Variants in COL4A4 observed in about 807,000 individuals in gnomAD.
COL4A4 encodes the protein collagen type IV alpha 4 chain, also known as collagen alpha-4(IV) chain.
COL4A4 carries 105 observed loss-of-function variants against 192.9 expected under a neutral mutation model. The ratio of observed to expected loss-of-function variants is 0.54; its 90% CI spans 0.46 to 0.64. COL4A4 has a LOEUF of 0.64. Among genes scored for constraint, COL4A4 ranks in the 30% least tolerant of loss-of-function variants. The probability of loss-of-function intolerance (pLI) is 0.00; values close to 1 mark genes in which losing one functional copy is unlikely to be tolerated. For missense variants in COL4A4, 1,967 were observed against 2,169.3 expected, an observed-to-expected ratio of 0.91 and a Z score of 1.85; for synonymous variants, 762 against 769.9, an observed-to-expected ratio of 0.99 and a Z score of 0.17.
At position 227,062,711 on chromosome 2, in the gene COL4A4, C is replaced by A. The variant is rs902446546; in HGVS notation, c.1988-113G>T. ...TTTTCTGTATAGTATATGCAGAAGT[C>A]AAAGAAAAAGAAGACTCCCAAGTAT... On this transcript the variant is annotated intron_variant, in intron 25 of 47. Transcript: ENST00000396625. The A allele has an allele frequency of 3.4e-5, 26 of 771,098 alleles. No homozygotes were observed. In the East Asian group the frequency reaches 6.1e-4, roughly 18 times the overall value. The allele number at this position is 771,098 out of a possible 1,614,324, so 47.8% of individuals were successfully genotyped here.
At position 227,028,015 on chromosome 2, in the gene COL4A4, A is replaced by C; in HGVS notation, c.3974-6T>G. ...TCCCGGGAATCCCACTGGTCCTTAA[A>C]AAAAAACAAAACATAAAAATGAGGG... On this transcript the variant is annotated splice_polypyrimidine_tract_variant and splice_region_variant and intron_variant, in intron 41 of 47. Transcript: ENST00000396625. 1 of 1,577,082 alleles carries C rather than the reference A, an allele frequency of 6.3e-7. No individual in the cohort carries two copies. The highest frequency in any genetic ancestry group is 8.7e-7 in the Non-Finnish European group (1 of 1,151,240).
chr2:227,150,375 C>A (rs2063844850), intron 1 of COL4A4, among the ~76,000 whole-genome samples: 1 of 152,130 alleles, frequency 6.6e-6, no homozygotes, highest in Middle Eastern at 3.2e-3. Context: ...TATGCAAAGT[C>A]ACAAGGCTAG....
chr2:227,100,759 C>T (rs1156507185), intron 17 of COL4A4, among the ~76,000 whole-genome samples: 1 of 151,562 alleles, frequency 6.6e-6, no homozygotes, highest in Admixed American at 6.6e-5. Flanking sequence ...TGGAAGGAAC[C>T]CAGTGGGAGG....
At chr2:226,988,449 GA>G in the COL4A4 span, 1 of 1,549,560 alleles carries the variant, frequency 6.5e-7, no homozygotes, top group African/African-American at 1.4e-5. Context: ...TGGACCTAAG[GA>G]ATCCTTTGAG....
At chr2:226,978,328 A>G in the COL4A4 span, among the ~76,000 whole-genome samples, 160 of 152,174 alleles carry the variant, frequency 1.1e-3, no homozygotes, top group African/African-American at 3.7e-3. Context: ...AAAAATCTCT[A>G]ATTTTTTGCC....
chr2:227,153,396 A>T (rs979486945), intron 1 of COL4A4, among the ~76,000 whole-genome samples: 2 of 152,224 alleles, frequency 1.3e-5, no homozygotes, highest in Non-Finnish European at 2.9e-5. Context: ...GCTAACTGTT[A>T]TTCTCAAGAA....
Position 227,118,892 on chromosome 2 carries a change from C to T in COL4A4, c.373-131G>A, listed in dbSNP as rs189170921. ...ACTGTTTAGTTTTGTGAAACTTTCT[C>T]TTTACCCCAAAAGGCTACGTAGCAT... On this transcript the variant is annotated intron_variant, in intron 6 of 47. Transcript: ENST00000396625. 7 of 717,190 alleles carry T rather than the reference C, an allele frequency of 9.8e-6. No homozygotes were observed. In the East Asian group the frequency reaches 1.8e-4, roughly 19 times the overall value. The allele number at this position is 717,190 out of a possible 1,614,324, so 44.4% of individuals were successfully genotyped here.
At position 227,120,110 on chromosome 2, in the gene COL4A4, C is replaced by T. The variant is rs116677164; in HGVS notation, c.328-171G>A. ...CAACATTTAAGAACCAATTCTTGTG[C>T]TTTTCTTTTGTACTTGGGAAAACAG... On this transcript the variant is annotated intron_variant, in intron 5 of 47. Transcript: ENST00000396625. Among the ~76,000 whole-genome samples the T allele has an allele frequency of 6.0e-3, 918 of 152,236 alleles. 7 individuals carry two copies. The highest frequency in any genetic ancestry group is 0.021 in the African/African-American group (864 of 41,552).
At chr2:227,002,709 A>T (rs1961281455), downstream of COL4A4, 1 of 152,672 alleles carries the variant, frequency 6.5e-6, no homozygotes, top group Admixed American at 6.5e-5. Flanking sequence ...GATAAAACAC[A>T]GTTGTTTTTG....
At chr2:226,980,915 TTTG>T in the COL4A4 span, among the ~76,000 whole-genome samples, 5 of 152,224 alleles carry the variant, frequency 3.3e-5, no homozygotes, top group African/African-American at 9.6e-5. Context: ...TAACTCATTT[TTTG>T]TTGTTATTGA....
chr2:227,030,393 G>T, intron 41 of COL4A4, 50 bp downstream of exon 41: 1 of 1,595,702 alleles, frequency 6.3e-7, no homozygotes, highest in Non-Finnish European at 8.6e-7. Flanking sequence ...ACCCTCAAGG[G>T]TAAGATAACC....
chr2:227,067,232 C>G (rs958224637), intron 25 of COL4A4, among the ~76,000 whole-genome samples: 4 of 151,902 alleles, frequency 2.6e-5, no homozygotes, highest in African/African-American at 9.7e-5. Flanking sequence ...CCTGAGTGAC[C>G]TACAAAGAGA....
At chr2:227,161,789 G>A (rs887657373) in intron 1 of COL4A4, among the ~76,000 whole-genome samples, 1 of 152,148 alleles carries the variant, frequency 6.6e-6, no homozygotes, top group Non-Finnish European at 1.5e-5. Flanking sequence ...GGATGCCAAG[G>A]CAAGGTTCTA....
At position 227,025,806 on chromosome 2, in the gene COL4A4, G is replaced by A. The variant is rs1166698890; in HGVS notation, c.4086C>T (p.Pro1362=). The part of the protein sequence containing the change: ...GRKGPTGLPG[P]RGEPGPPADV... ...CAATTTTATAGCAAAGCTTACCTCTGGGACCTAGAGGGATCCAAAGACAAC... is the reference window on the plus strand; with the variant it reads ...CAATTTTATAGCAAAGCTTACCTCTAGGACCTAGAGGGATCCAAAGACAAC... Residue 1362 remains proline, a synonymous_variant, in exon 43 of 48, where the codon CCC becomes CCT. Coordinates refer to ENST00000396625, the MANE Select transcript of COL4A4 (RefSeq NM_000092.5). The A allele has an allele frequency of 6.2e-7, 1 of 1,612,764 alleles. No individual in the cohort carries two copies. The highest frequency in any genetic ancestry group is 8.5e-7 in the Non-Finnish European group (1 of 1,179,170).
At chr2:227,152,048 T>C (rs987389929) in intron 1 of COL4A4, among the ~76,000 whole-genome samples, 1 of 152,160 alleles carries the variant, frequency 6.6e-6, no homozygotes, top group African/African-American at 2.4e-5. Flanking sequence ...GGCTGACAAG[T>C]CCTCCCTCCA....
Position 227,043,228 on chromosome 2 carries a change from G to C in COL4A4, c.3290-44C>G, listed in dbSNP as rs112207031. 1.3e-5 allele frequency: 20 copies of C among 1,505,860 alleles called. No homozygotes were observed. In the Admixed American group the frequency reaches 1.7e-4, roughly 13 times the overall value. The allele number at this position is 1,505,860 out of a possible 1,614,324, so 93.3% of individuals were successfully genotyped here. A position where few individuals can be genotyped will look rare whatever the true frequency, so the allele number is the denominator to read the frequency against. On this transcript the variant is annotated intron_variant, in intron 35 of 47. Coordinates refer to ENST00000396625, the MANE Select transcript of COL4A4 (RefSeq NM_000092.5). Reference sequence around the variant, plus strand: ...AACATCAGAGTTGCCGTTTGAGACAGTGAATCTTTAAAATCACCAAGTTCA... The same window carrying C: ...AACATCAGAGTTGCCGTTTGAGACACTGAATCTTTAAAATCACCAAGTTCA...
chr2:227,029,821 A>G (rs1967866647), intron 41 of COL4A4, among the ~76,000 whole-genome samples: 1 of 152,194 alleles, frequency 6.6e-6, no homozygotes, highest in Non-Finnish European at 1.5e-5. Context: ...AAATTCAGTG[A>G]TTCGGGATCT....
In COL4A4 at chr2:227,058,527, G is replaced by A. The variant is rs146381323; in HGVS notation, c.2383+878C>T. ...AAACTTCCATGCAAGCTCCTTGAGGGTGCTAATTCTCCTCCTCTCCTCCAC... is the reference window on the plus strand; with the variant it reads ...AAACTTCCATGCAAGCTCCTTGAGGATGCTAATTCTCCTCCTCTCCTCCAC... On this transcript the variant is annotated intron_variant, in intron 28 of 47. Transcript: ENST00000396625. Among the ~76,000 whole-genome samples the A allele has an allele frequency of 2.8e-4, 42 of 152,224 alleles. No individual in the cohort carries two copies. The East Asian group carries it at 6.2e-3, about 22-fold the overall frequency.
At chr2:226,979,400 A>G in the COL4A4 span, among the ~76,000 whole-genome samples, 1 of 152,126 alleles carries the variant, frequency 6.6e-6, no homozygotes, top group South Asian at 2.1e-4. Flanking sequence ...CCCCCATCTC[A>G]CCAATTGAAT....
Sources: gnomAD v4.1 joint callset for allele counts (sites outside exome capture counted in the v4.1 genomes callset) on GRCh38, gnomAD v4.1.1 for gene constraint, MANE v1.5 for transcripts, NCBI Gene and HGNC (gene_info 2026-07-23, HGNC 2026-07-21) for gene names.